The following CD226 variants were observed in gnomAD, a reference collection of about 807,000 sequenced individuals.
CD226 encodes the protein CD226 molecule.
Under a neutral mutation model 34.9 loss-of-function variants are expected in CD226, and 24 were observed. That is an observed-to-expected ratio of 0.69 (90% confidence interval 0.50 to 0.97). CD226 has a LOEUF of 0.97. Ranked by LOEUF, CD226 falls within the 50% of genes least tolerant of loss-of-function variation. The pLI is 0.00. For synonymous variants in CD226, 148 were observed against 147.4 expected, an observed-to-expected ratio of 1.00 and a Z score of -0.03; for missense variants, 397 against 412.7, an observed-to-expected ratio of 0.96 and a Z score of 0.33.
intron 3 of CD226, among the ~76,000 whole-genome samples, chr18:69,879,441 GA>G (rs972519917): frequency 3.3e-5 from 5 of 152,080 alleles, no homozygotes; most frequent in Admixed American, 3.3e-4. Flanking sequence ...CCTTACTGGG[GA>G]AGGAATTCAG....
At chr18:69,871,013 C>G (rs1034978206) in intron 4 of CD226, among the ~76,000 whole-genome samples, 1 of 152,200 alleles carries the variant, frequency 6.6e-6, no homozygotes, top group Admixed American at 6.5e-5. Flanking sequence ...TCACATTTAA[C>G]CAAGTGGGAC....
intron 2 of CD226, among the ~76,000 whole-genome samples, chr18:69,903,245 G>A (rs1274738176): frequency 6.6e-6 from 1 of 152,174 alleles, no homozygotes; most frequent in Non-Finnish European, 1.5e-5. Context: ...GAAAAAGACA[G>A]TCGTGGTGGA....
Position 69,924,895 on chromosome 18 carries a change from A to C in CD226, c.382+21839T>G, listed in dbSNP as rs148446685. Among the ~76,000 whole-genome samples the C allele has an allele frequency of 1.7e-4, 26 of 152,316 alleles. No individual in the cohort carries two copies. The East Asian group carries it at 4.4e-3, about 26-fold the overall frequency. Reference sequence around the variant, plus strand: ...GGCATTTGAAAACAACATACACAACAAAAGTTTTTCAGTGAATAAAAACAG... The same window carrying C: ...GGCATTTGAAAACAACATACACAACCAAAGTTTTTCAGTGAATAAAAACAG... On this transcript the variant is annotated intron_variant, in intron 2 of 5. Transcript: ENST00000582621.
At chr18:69,931,396 A>T (rs565759545) in intron 2 of CD226, among the ~76,000 whole-genome samples, 14 of 152,196 alleles carry the variant, frequency 9.2e-5, no homozygotes, top group East Asian at 1.9e-4. Context: ...AATAAAATTT[A>T]AAAAAAAGAA....
chr18:69,939,813 C>T (rs2055700709), intron 2 of CD226, among the ~76,000 whole-genome samples: 2 of 152,176 alleles, frequency 1.3e-5, no homozygotes, highest in South Asian at 4.1e-4. Flanking sequence ...AAAAGACCAG[C>T]CTCCCCAAGC....
intron 2 of CD226, among the ~76,000 whole-genome samples, chr18:69,928,937 G>A (rs1411523236): frequency 2.6e-5 from 4 of 152,198 alleles, no homozygotes; most frequent in Non-Finnish European, 4.4e-5. Context: ...AGTGACTTTG[G>A]AAGGTATGCA....
chr18:69,938,308 C>A (rs1011765911), intron 2 of CD226, among the ~76,000 whole-genome samples: 2 of 152,192 alleles, frequency 1.3e-5, no homozygotes, highest in African/African-American at 4.8e-5. Context: ...AACTCTCCCC[C>A]TCTTTTCTCT....
At chr18:69,920,112 C>T (rs1466218895) in intron 2 of CD226, among the ~76,000 whole-genome samples, 7 of 152,098 alleles carry the variant, frequency 4.6e-5, no homozygotes, top group Admixed American at 3.9e-4. Context: ...GATCTGCCTG[C>T]CTCAGCCTCC....
chr18:69,958,891 G>A (rs1198672012), upstream of CD226, among the ~76,000 whole-genome samples: 1 of 149,564 alleles, frequency 6.7e-6, no homozygotes, highest in African/African-American at 2.5e-5. Context: ...TTATTATTTA[G>A]CTATTGCTAT....
At chr18:69,919,933 A>G (rs2055431611) in intron 2 of CD226, among the ~76,000 whole-genome samples, 1 of 150,596 alleles carries the variant, frequency 6.6e-6, no homozygotes, top group Non-Finnish European at 1.5e-5. Flanking sequence ...GAGCAATCAC[A>G]GGTCACTGAA....
intron 2 of CD226, among the ~76,000 whole-genome samples, chr18:69,933,274 G>C (rs12962929): frequency 0.76 from 116,173 of 152,160 alleles, 51,519 homozygotes; most frequent in East Asian, 1. Context: ...ACCAAATGAA[G>C]TCCAAAATCT....
chr18:69,896,309 G>A (rs142751880), intron 2 of CD226: 123 of 264,262 alleles, frequency 4.7e-4, no homozygotes, highest in African/African-American at 2.4e-3. Context: ...AGCCTCCTGA[G>A]TAGCTGGGAC....
At chr18:69,867,121 G>A (rs78942762) in intron 5 of CD226, among the ~76,000 whole-genome samples, 168 of 152,238 alleles carry the variant, frequency 1.1e-3, no homozygotes, top group African/African-American at 3.7e-3. Context: ...TTGTTATTAC[G>A]CCAGGGTAAT....
At chr18:69,887,322 T>C (rs986391344) in intron 3 of CD226, among the ~76,000 whole-genome samples, 2 of 150,312 alleles carry the variant, frequency 1.3e-5, no homozygotes, top group Non-Finnish European at 3.0e-5. Flanking sequence ...CACCTACACA[T>C]ACACACACAC....
Position 69,860,866 on chromosome 18 carries a change from C to A in CD226, c.*3448G>T, listed in dbSNP as rs1982777459. 3 of 152,078 alleles carry A rather than the reference C, an allele frequency of 2.0e-5. No homozygotes were observed. Among genetic ancestry groups the A allele is most frequent in the Admixed American group, 2.0e-4 (3 of 15,274 alleles). The allele number at this position is 152,078 out of a possible 1,614,324, so 9.4% of individuals were successfully genotyped here. A position where few individuals can be genotyped will look rare whatever the true frequency, so the allele number is the denominator to read the frequency against. ...TCACAATTTAGCGTCTCCACTTACA[C>A]TTTATAAGCATCTTTATAATATCGT... On this transcript the variant is annotated 3_prime_UTR_variant, in exon 6 of 6. Coordinates refer to ENST00000582621, the MANE Select transcript of CD226 (RefSeq NM_001303618.2).
chr18:69,917,650 T>A (rs1020680817), intron 2 of CD226, among the ~76,000 whole-genome samples: 1 of 152,230 alleles, frequency 6.6e-6, no homozygotes, highest in Non-Finnish European at 1.5e-5. Flanking sequence ...GCTGTCAGTT[T>A]AGTTAAGTTG....
chr18:69,923,279 T>C (rs1300628756), intron 2 of CD226, among the ~76,000 whole-genome samples: 1 of 151,906 alleles, frequency 6.6e-6, no homozygotes, highest in East Asian at 1.9e-4. Context: ...GATAACAAAA[T>C]AGCAAAACAT....
intron 2 of CD226, among the ~76,000 whole-genome samples, chr18:69,914,059 C>T (rs756269877): frequency 6.6e-6 from 1 of 152,174 alleles, no homozygotes; most frequent in East Asian, 1.9e-4. Context: ...TCACTGTGAT[C>T]ATATTTTCAT....
At chr18:69,865,095 C>A (rs1354962863) in intron 5 of CD226, among the ~76,000 whole-genome samples, 1 of 152,064 alleles carries the variant, frequency 6.6e-6, no homozygotes, top group Non-Finnish European at 1.5e-5. Context: ...CAGGTTCAAG[C>A]AATTCTGCCT....
Sources: gnomAD v4.1 joint callset for allele counts (sites outside exome capture counted in the v4.1 genomes callset) on GRCh38, gnomAD v4.1.1 for gene constraint, MANE v1.5 for transcripts, NCBI Gene and HGNC (gene_info 2026-07-23, HGNC 2026-07-21) for gene names.